Variants in CDC45 observed in about 807,000 individuals in gnomAD.
CDC45 encodes cell division cycle 45.
In CDC45, 54 loss-of-function variants were observed where a neutral mutation model predicts 77.8. The ratio of observed to expected loss-of-function variants is 0.69; its 90% CI spans 0.56 to 0.87. The LOEUF is 0.87. CDC45 is among the 40% of genes least tolerant of loss of function. The pLI, the probability that CDC45 is intolerant of heterozygous loss-of-function variation, is 0.00. For synonymous variants in CDC45, 260 were observed against 272.1 expected (o/e 0.96, Z 0.44); for missense variants, 649 against 721.6 (o/e 0.90, Z 1.15).
At chr22:19,494,054 A>C (rs1265547188) in intron 5 of CDC45, among the ~76,000 whole-genome samples, 1 of 152,156 alleles carries the variant, frequency 6.6e-6, no homozygotes, top group Non-Finnish European at 1.5e-5. Flanking sequence ...AGGGTGGATG[A>C]ACACAGTTTT....
At chr22:19,497,044 C>T (rs1193171547) in intron 7 of CDC45, among the ~76,000 whole-genome samples, 1 of 152,180 alleles carries the variant, frequency 6.6e-6, no homozygotes. Context: ...CAGTGCCTGC[C>T]TTGGGCATCA....
rs760979043 is a variant in CDC45, at chr22:19,516,859, C to G, written c.1602C>G (p.Ser534Arg). The G allele has an allele frequency of 1.5e-4, 238 of 1,613,996 alleles. No homozygotes were observed. Among genetic ancestry groups the G allele is most frequent in the Non-Finnish European group, 2.0e-4 (234 of 1,179,972 alleles). ...RAFEKAAEST[S>R]SRMLHNHFDL... ...TTGAGAAGGCAGCGGAAAGCACCAG[C>G]TCCCGGATGCTGCACAACCATTTTG... Residue 534 changes from serine to arginine, a missense_variant, in exon 17 of 19, where the codon AGC (serine) becomes AGG (arginine). Ser to Arg is a moderately radical substitution (Grantham distance 110). Transcript: ENST00000263201.
At chr22:19,519,973 C>T (rs1258335906) in intron 18 of CDC45, among the ~76,000 whole-genome samples, 2 of 152,244 alleles carry the variant, frequency 1.3e-5, no homozygotes, top group Admixed American at 1.3e-4. Flanking sequence ...ATGGGGCCCA[C>T]TCTCTCCTTA....
chr22:19,497,785 A>G (rs1197992045), intron 8 of CDC45, among the ~76,000 whole-genome samples: 1 of 152,122 alleles, frequency 6.6e-6, no homozygotes, highest in Middle Eastern at 3.2e-3. Context: ...GCAGTGGCTC[A>G]CATCCTTAAT....
At chr22:19,507,568 GA>G in intron 11 of CDC45, 51 bp downstream of exon 11, 1 of 1,608,256 alleles carries the variant, frequency 6.2e-7, no homozygotes, top group Non-Finnish European at 8.5e-7. Flanking sequence ...ACCCCCAAGG[GA>G]AAAGCCCCTC....
chr22:19,479,626 A>C (rs2089938797), upstream of CDC45: 1 of 642,948 alleles, frequency 1.6e-6, no homozygotes, highest in East Asian at 3.3e-5. Flanking sequence ...GAGGGTTCCC[A>C]GTGGGAGGCA....
chr22:19,499,077 C>A (rs9618586), intron 8 of CDC45, 24 bp from the exon 9 acceptor site: 1 of 1,613,176 alleles, frequency 6.2e-7, no homozygotes, highest in Admixed American at 1.7e-5. Flanking sequence ...TATAGGCCGG[C>A]TCCACTGCCT....
At chr22:19,509,998 G>A (rs944040153) in intron 13 of CDC45, among the ~76,000 whole-genome samples, 1 of 152,120 alleles carries the variant, frequency 6.6e-6, no homozygotes, top group Non-Finnish European at 1.5e-5. Flanking sequence ...GTCTCGCTCT[G>A]TTGCCCAGGG....
intron 13 of CDC45, among the ~76,000 whole-genome samples, chr22:19,509,426 T>A (rs562968974): frequency 6.6e-6 from 1 of 152,212 alleles, no homozygotes; most frequent in Non-Finnish European, 1.5e-5. Context: ...TTTAAGAGCA[T>A]CTTATCTGAA....
At chr22:19,490,029 ACTCTGT>A (rs1293746823) in intron 5 of CDC45, among the ~76,000 whole-genome samples, 1 of 151,910 alleles carries the variant, frequency 6.6e-6, no homozygotes, top group Admixed American at 6.5e-5. Context: ...TTAGTGTCCC[ACTCTGT>A]CTCTGGTAAT....
chr22:19,483,218 G>A (rs1475384625), intron 4 of CDC45, among the ~76,000 whole-genome samples: 5 of 152,200 alleles, frequency 3.3e-5, no homozygotes, highest in Admixed American at 2.0e-4. Flanking sequence ...GGATTACGAG[G>A]TCAGAAGATT....
intron 3 of CDC45, among the ~76,000 whole-genome samples, chr22:19,481,758 G>A (rs573560547): frequency 6.6e-6 from 1 of 152,008 alleles, no homozygotes; most frequent in African/African-American, 2.4e-5. Context: ...TGCAACCTCC[G>A]CCTTCTGGGT....
Position 19,514,938 on chromosome 22 carries a change from G to A in CDC45, c.1357-27G>A, listed in dbSNP as rs373461707. On this transcript the variant is annotated intron_variant, in intron 14 of 18. Transcript: ENST00000263201. ...GCCTGGTCACAGCACCAGTGGCTTC[G>A]TCTGACCATCTGTCTCGCCTCCGCA... 107 of 1,614,214 alleles carry A rather than the reference G, an allele frequency of 6.6e-5. 1 individual carries two copies. In the African/African-American group the frequency reaches 1.3e-3, roughly 19 times the overall value.
intron 7 of CDC45, 136 bp from the exon 8 acceptor site, chr22:19,497,250 A>T: frequency 4.1e-6 from 3 of 733,924 alleles, no homozygotes; most frequent in Non-Finnish European, 7.3e-6. Context: ...GAATCCACCC[A>T]CATGCCCTGG....
intron 5 of CDC45, among the ~76,000 whole-genome samples, chr22:19,490,484 C>T (rs2090138316): frequency 6.6e-6 from 1 of 152,074 alleles, no homozygotes. Flanking sequence ...AAGCAATTCT[C>T]CTGCCTCAGC....
At chr22:19,490,829 C>CTTTTTTTT (rs1248793856) in intron 5 of CDC45, among the ~76,000 whole-genome samples, 3 of 137,280 alleles carry the variant, frequency 2.2e-5, no homozygotes. Flanking sequence ...ACCTTATCTT[C>CTTTTTTTT]TTTTTTTTTT....
rs1458362798 is a variant in CDC45 at position 19,483,857 on chromosome 22, C to G, written c.343-5C>G. 14 of 1,609,668 alleles carry G rather than the reference C, an allele frequency of 8.7e-6. No individual in the cohort carries two copies. The highest frequency in any genetic ancestry group is 1.2e-5 in the Non-Finnish European group (14 of 1,178,606). On this transcript the variant is annotated splice_region_variant and splice_polypyrimidine_tract_variant and intron_variant, in intron 4 of 18. Transcript: ENST00000263201. ...AGGCTTAATTCCTTTTTGTTTTGAA[C>G]TTAGATCAAATTACTCATTAAACAA...
rs767900922 is a variant in CDC45, at chr22:19,507,868, AAC to A, written c.1055+10_1055+11del. 5.9e-5 allele frequency: 94 copies of A among 1,580,652 alleles called. No homozygotes were observed. The highest frequency in any genetic ancestry group is 7.4e-5 in the Non-Finnish European group (86 of 1,157,072). Reference sequence around the variant, plus strand: ...AAGAGTCTGCAAATAAATTTGGGTAAACACACATTTTTCTGGATTTATCTTCA... The same window carrying A: ...AAGAGTCTGCAAATAAATTTGGGTAAACACATTTTTCTGGATTTATCTTCA... On this transcript the variant is annotated splice_donor_5th_base_variant and intron_variant, in intron 12 of 18. Transcript: ENST00000263201.
At position 19,480,166 on chromosome 22, in the gene CDC45, T is replaced by G. The variant is rs1318984316; in HGVS notation, c.60T>G (p.Leu20=). ...FYEVVQSQRV[L]LFVASDVDAL... Reference sequence around the variant, plus strand: ...CTGCTCTTCCCCGATAGAGGGTCCTTCTCTTCGTGGCCTCGGACGTGGATG... The same window carrying G: ...CTGCTCTTCCCCGATAGAGGGTCCTGCTCTTCGTGGCCTCGGACGTGGATG... The change falls in exon 2 of 19, where the codon CTT becomes CTG. Residue 20 remains leucine, a synonymous_variant. Coordinates refer to ENST00000263201, the MANE Select transcript of CDC45 (RefSeq NM_003504.5). 3 of 1,614,010 alleles carry G rather than the reference T, an allele frequency of 1.9e-6. No homozygotes were observed. Among genetic ancestry groups the G allele is most frequent in the Non-Finnish European group, 2.5e-6 (3 of 1,179,928 alleles).
Sources: gnomAD v4.1 joint callset for allele counts (sites outside exome capture counted in the v4.1 genomes callset) on GRCh38, gnomAD v4.1.1 for gene constraint, MANE v1.5 for transcripts, NCBI Gene and HGNC (gene_info 2026-07-23, HGNC 2026-07-21) for gene names.